IQCH: variants seen among roughly 807,000 people sequenced by gnomAD.
The protein encoded by IQCH is IQ domain-containing protein H.
IQCH carries 98 observed loss-of-function variants against 117.0 expected under a neutral mutation model. That is an observed-to-expected ratio of 0.84 (90% confidence interval 0.71 to 0.99). IQCH has a LOEUF of 0.99. Among genes scored for constraint, IQCH ranks in the 50% least tolerant of loss-of-function variants. The pLI is 0.00. For synonymous variants in IQCH, 412 were observed against 448.2 expected (o/e 0.92, Z 1.02); for missense variants, 1,102 against 1,243.8 (o/e 0.89, Z 1.72).
chr15:67,447,441 T>G lies in IQCH; in HGVS notation c.2506-17686T>G, dbSNP rs1160494134. 6.6e-6 allele frequency among the ~76,000 whole-genome samples: 1 copy of G among 152,174 alleles called. No individual in the cohort carries two copies. The highest frequency in any genetic ancestry group is 1.9e-4 in the East Asian group (1 of 5,194). On this transcript the variant is annotated intron_variant, in intron 16 of 20. Transcript: ENST00000335894. The surrounding 1 kb of genome is among the most constrained non-coding windows in gnomAD (Gnocchi z 5.3). The stretch of plus-strand genomic sequence containing the variant: ...CAAAGTCATGGAATCCAGATTCATC[T>G]CTCAGATAACTGAATCCAAAAGGTT...
intron 6 of IQCH, among the ~76,000 whole-genome samples, chr15:67,347,082 C>G (rs934789121): frequency 6.6e-6 from 1 of 151,240 alleles, no homozygotes; most frequent in Admixed American, 6.6e-5. Context: ...GAAGAAATAT[C>G]TCAGATTAAT....
At chr15:67,285,569 G>A (rs1185679341) in intron 4 of IQCH, among the ~76,000 whole-genome samples, 1 of 152,090 alleles carries the variant, frequency 6.6e-6, no homozygotes, top group Non-Finnish European at 1.5e-5. Context: ...TTCTTCTAGG[G>A]TTTTTATAGT....
At chr15:67,442,803 G>A (rs2082302786) in intron 16 of IQCH, among the ~76,000 whole-genome samples, 1 of 148,564 alleles carries the variant, frequency 6.7e-6, no homozygotes, top group Non-Finnish European at 1.5e-5. Flanking sequence ...TCAACAAGTG[G>A]ATAAAGAAAC....
rs2083643359 is a variant in IQCH, at chr15:67,491,149, A to G, written c.2861+1085A>G. ...ATAAAAACTAACCAAATAAGAGCCAATTCCTCTACGAAGCACTGATGTTCC... is the reference window on the plus strand; with the variant it reads ...ATAAAAACTAACCAAATAAGAGCCAGTTCCTCTACGAAGCACTGATGTTCC... On this transcript the variant is annotated intron_variant, in intron 19 of 20. Transcript: ENST00000335894. The surrounding 1 kb of genome is among the most constrained non-coding windows in gnomAD (Gnocchi z 4.9). Among the ~76,000 whole-genome samples, 1 of 152,132 alleles carries G rather than the reference A, an allele frequency of 6.6e-6. No homozygotes were observed. Among genetic ancestry groups the G allele is most frequent in the African/African-American group, 2.4e-5 (1 of 41,432 alleles).
At chr15:67,486,450 C>T (rs1235010359) in intron 18 of IQCH, among the ~76,000 whole-genome samples, 1 of 152,102 alleles carries the variant, frequency 6.6e-6, no homozygotes, top group African/African-American at 2.4e-5. Context: ...AAAAAAAAAT[C>T]CAATAAATAT....
At chr15:67,418,577 C>CT (rs1174414517) in intron 15 of IQCH, among the ~76,000 whole-genome samples, 45,403 of 103,386 alleles carry the variant, frequency 0.44, 12,170 homozygotes, top group Non-Finnish European at 0.55. Flanking sequence ...GGTGTTTTTA[C>CT]TTTTTTTTTT....
chr15:67,434,613 C>T (rs1488063434), intron 16 of IQCH, among the ~76,000 whole-genome samples: 2 of 152,282 alleles, frequency 1.3e-5, no homozygotes, highest in Non-Finnish European at 2.9e-5. Flanking sequence ...TGGCTACGCA[C>T]TCAGAAGTGG....
At chr15:67,319,144 A>G (rs150478232) in intron 4 of IQCH, among the ~76,000 whole-genome samples, 95 of 152,134 alleles carry the variant, frequency 6.2e-4, no homozygotes, top group African/African-American at 2.1e-3. Context: ...GGAGAATGGC[A>G]TGAATCCGGG....
Position 67,411,836 on chromosome 15 carries a change from C to G in IQCH, c.2098-5095C>G, listed in dbSNP as rs1261235039. 2.0e-5 allele frequency among the ~76,000 whole-genome samples: 3 copies of G among 152,216 alleles called. No individual in the cohort carries two copies. Among genetic ancestry groups the G allele is most frequent in the African/African-American group, 7.2e-5 (3 of 41,448 alleles). On this transcript the variant is annotated intron_variant, in intron 14 of 20. Transcript: ENST00000335894. This position sits in a 1 kb window ranked among gnomAD's most constrained non-coding sequence, Gnocchi z 4.4. ...CTGAATTTCATTCATTCAGACATCT[C>G]TTCCTTCAAATTTACACTTTCTTGA...
At chr15:67,368,442 A>G (rs1252243187) in intron 8 of IQCH, among the ~76,000 whole-genome samples, 1 of 152,244 alleles carries the variant, frequency 6.6e-6, no homozygotes, top group Non-Finnish European at 1.5e-5. Flanking sequence ...GAGTCAGACA[A>G]ATAGCATCCC....
chr15:67,474,342 G>C lies in IQCH; in HGVS notation c.2677-1354G>C, dbSNP rs113992698. On this transcript the variant is annotated intron_variant, in intron 17 of 20. Coordinates refer to ENST00000335894, the MANE Select transcript of IQCH (RefSeq NM_001031715.3). The surrounding 1 kb of genome is among the most constrained non-coding windows in gnomAD (Gnocchi z 4.1). ...GTACCTAGTTGCCCAGCACCTGTGCGTCACCACAGTTCAAGAGCCAAGCCA... is the reference window on the plus strand; with the variant it reads ...GTACCTAGTTGCCCAGCACCTGTGCCTCACCACAGTTCAAGAGCCAAGCCA... Among the ~76,000 whole-genome samples the C allele has an allele frequency of 6.6e-6, 1 of 152,056 alleles. No individual in the cohort carries two copies. Among genetic ancestry groups the C allele is most frequent in the Non-Finnish European group, 1.5e-5 (1 of 68,016 alleles).
chr15:67,361,426 A>C (rs4536412), intron 8 of IQCH, among the ~76,000 whole-genome samples: 31,676 of 152,214 alleles, frequency 0.21, 4,048 homozygotes, highest in East Asian at 0.47. Flanking sequence ...CAGAGCCAAC[A>C]TACAAAACTG....
intron 8 of IQCH, chr15:67,360,245 G>A (rs145099270): frequency 1.1e-4 from 32 of 279,508 alleles, no homozygotes; most frequent in East Asian, 6.3e-4. Flanking sequence ...AAATAAATGC[G>A]GTTGTCCCCC....
At chr15:67,373,756 G>A (rs558410025) in intron 10 of IQCH, 2 of 421,298 alleles carry the variant, frequency 4.7e-6, no homozygotes, top group South Asian at 4.9e-5. Flanking sequence ...CTTCTTTAAT[G>A]ATAGAAGAAC....
rs971194555 is a variant in IQCH, at chr15:67,467,691, A to G, written c.2676+2394A>G. Among the ~76,000 whole-genome samples, 1 of 152,144 alleles carries G rather than the reference A, an allele frequency of 6.6e-6. No individual in the cohort carries two copies. The highest frequency in any genetic ancestry group is 2.4e-5 in the African/African-American group (1 of 41,422). ...CATGTGCACATGCACACGCGGTACA[A>G]CTCACAAGCAAATCGAAGCTTCCTG... is the stretch of plus-strand genomic sequence containing the variant. On this transcript the variant is annotated intron_variant, in intron 17 of 20. Transcript: ENST00000335894. The surrounding 1 kb of genome is among the most constrained non-coding windows in gnomAD (Gnocchi z 5.7).
intron 4 of IQCH, among the ~76,000 whole-genome samples, chr15:67,317,128 C>T (rs987574749): frequency 2.0e-5 from 3 of 152,166 alleles, no homozygotes; most frequent in Admixed American, 6.5e-5. Flanking sequence ...TATAAATTTG[C>T]ATTTATTTGT....
intron 4 of IQCH, among the ~76,000 whole-genome samples, chr15:67,287,764 C>A (rs1321998463): frequency 6.6e-6 from 1 of 151,638 alleles, no homozygotes; most frequent in Non-Finnish European, 1.5e-5. Context: ...TTTATTATTT[C>A]TTTTCTTCTG....
chr15:67,371,582 TAAGAG>T, intron 8 of IQCH: 1 of 1,109,516 alleles, frequency 9.0e-7, no homozygotes, highest in South Asian at 1.4e-5. Flanking sequence ...CTCTGGATAT[TAAGAG>T]AAGATGGCAG....
intron 16 of IQCH, among the ~76,000 whole-genome samples, chr15:67,449,285 A>G (rs1266462082): frequency 2.0e-5 from 3 of 152,216 alleles, no homozygotes; most frequent in East Asian, 1.9e-4. Context: ...GGTTTTAGAC[A>G]TGAGGTCCTT....
Sources: gnomAD v4.1 joint callset for allele counts (sites outside exome capture counted in the v4.1 genomes callset) on GRCh38, gnomAD v4.1.1 for gene constraint, Gnocchi (gnomAD v3.1) non-coding constraint, MANE v1.5 for transcripts, NCBI Gene and HGNC (gene_info 2026-07-23, HGNC 2026-07-21) for gene names.